The following KCND2 variants were observed in gnomAD, a reference collection of about 807,000 sequenced individuals.
The protein encoded by KCND2 is potassium voltage-gated channel subfamily D member 2.
KCND2 carries 16 observed loss-of-function variants against 54.4 expected under a neutral mutation model. The ratio of observed to expected loss-of-function variants is 0.29; its 90% CI spans 0.20 to 0.45. KCND2 has a LOEUF of 0.45. Among genes scored for constraint, KCND2 ranks in the 20% least tolerant of loss-of-function variants. The pLI is 1.00. For missense variants in KCND2, 486 were observed against 824.2 expected (o/e 0.59, Z 5.02); for synonymous variants, 317 against 310.7 (o/e 1.02, Z -0.21).
At chr7:120,525,003 G>A (rs977412115) in intron 1 of KCND2, among the ~76,000 whole-genome samples, 2 of 152,002 alleles carry the variant, frequency 1.3e-5, no homozygotes, top group African/African-American at 4.8e-5. Context: ...TTCAGACTTT[G>A]CATCTTTAGT....
intron 1 of KCND2, among the ~76,000 whole-genome samples, chr7:120,334,600 C>G (rs1800117956): frequency 6.6e-6 from 1 of 152,130 alleles, no homozygotes; most frequent in Admixed American, 6.5e-5. Flanking sequence ...TAAAACCACA[C>G]TTTCCGTATA....
intron 1 of KCND2, among the ~76,000 whole-genome samples, chr7:120,282,500 C>T (rs1367905501): frequency 3.9e-5 from 6 of 152,038 alleles, no homozygotes; most frequent in African/African-American, 1.4e-4. Context: ...TAACGCAATC[C>T]ATTTTGCCTT....
intron 1 of KCND2, among the ~76,000 whole-genome samples, chr7:120,601,831 C>T (rs1792817300): frequency 6.6e-6 from 1 of 152,142 alleles, no homozygotes; most frequent in Non-Finnish European, 1.5e-5. Context: ...CACTGAACTA[C>T]ACTATCCCTT....
In KCND2 at chr7:120,374,626, T is replaced by C. The variant is rs188152065; in HGVS notation, c.1115+98879T>C. ...GAGACTTGCTTTAACGATTTCCCGT[T>C]GATTTTCAGATAAAATTTAGACTGT... On this transcript the variant is annotated intron_variant, in intron 1 of 5. Transcript: ENST00000331113. Among the ~76,000 whole-genome samples the C allele has an allele frequency of 2.8e-3, 426 of 151,934 alleles. 2 individuals carry two copies. The highest frequency in any genetic ancestry group is 9.8e-3 in the African/African-American group (406 of 41,504).
At chr7:120,740,248 A>C (rs756808772) in intron 2 of KCND2, among the ~76,000 whole-genome samples, 2 of 152,088 alleles carry the variant, frequency 1.3e-5, no homozygotes, top group Non-Finnish European at 2.9e-5. Flanking sequence ...CTCCAGGGTC[A>C]GAGACAATTG....
rs533035748 is a variant in KCND2 at position 120,472,698 on chromosome 7, T to C, written c.1115+196951T>C. 3.9e-4 allele frequency among the ~76,000 whole-genome samples: 60 copies of C among 152,246 alleles called. 1 individual carries two copies. The South Asian group carries it at 9.3e-3, about 24-fold the overall frequency. Reference sequence around the variant, plus strand: ...GAAACACTCAAGCTTTGCAACAGACTAAACTCAGTGAACTAGGCTCTTGAC... The same window carrying C: ...GAAACACTCAAGCTTTGCAACAGACCAAACTCAGTGAACTAGGCTCTTGAC... On this transcript the variant is annotated intron_variant, in intron 1 of 5. Coordinates refer to ENST00000331113, the MANE Select transcript of KCND2 (RefSeq NM_012281.3).
chr7:120,461,974 G>A (rs1357159402), intron 1 of KCND2, among the ~76,000 whole-genome samples: 2 of 152,074 alleles, frequency 1.3e-5, no homozygotes, highest in African/African-American at 4.8e-5. Context: ...TATACATGGA[G>A]ATTAAGGCAC....
chr7:120,626,345 T>A (rs1456361686), intron 1 of KCND2, among the ~76,000 whole-genome samples: 1 of 152,216 alleles, frequency 6.6e-6, no homozygotes, highest in Non-Finnish European at 1.5e-5. Context: ...AAATATCATA[T>A]GCTCACTTTA....
At chr7:120,292,320 CTG>C (rs762598247) in intron 1 of KCND2, among the ~76,000 whole-genome samples, 24 of 151,746 alleles carry the variant, frequency 1.6e-4, no homozygotes, top group Non-Finnish European at 2.7e-4. Context: ...TTTGTCCTAA[CTG>C]ATATTAATTC....
chr7:120,486,270 A>G (rs1458068591), intron 1 of KCND2, among the ~76,000 whole-genome samples: 1 of 152,096 alleles, frequency 6.6e-6, no homozygotes. Flanking sequence ...AAATATAGAA[A>G]TTTTGAAAGC....
intron 1 of KCND2, among the ~76,000 whole-genome samples, chr7:120,470,442 TCAA>T (rs1802437542): frequency 6.6e-6 from 1 of 152,130 alleles, no homozygotes; most frequent in Admixed American, 6.6e-5. Flanking sequence ...TGAGCTAGTA[TCAA>T]CGTCTTCTTT....
chr7:120,570,291 A>G (rs757599225), intron 1 of KCND2, among the ~76,000 whole-genome samples: 1 of 152,068 alleles, frequency 6.6e-6, no homozygotes, highest in Admixed American at 6.6e-5. Context: ...GAAGGATGAA[A>G]TATTACCTAT....
chr7:120,659,304 A>G (rs920414572), intron 1 of KCND2, among the ~76,000 whole-genome samples: 1 of 123,454 alleles, frequency 8.1e-6, no homozygotes, highest in African/African-American at 4.1e-5. Flanking sequence ...ATCATCCCAC[A>G]ATAGGACTAA....
chr7:120,669,389 A>G (rs147103647), intron 1 of KCND2, among the ~76,000 whole-genome samples: 2 of 152,194 alleles, frequency 1.3e-5, no homozygotes, highest in African/African-American at 4.8e-5. Flanking sequence ...CCAGACTACT[A>G]TAAACAATGG....
At chr7:120,490,091 T>A (rs1379262748) in intron 1 of KCND2, among the ~76,000 whole-genome samples, 1 of 152,126 alleles carries the variant, frequency 6.6e-6, no homozygotes, top group Non-Finnish European at 1.5e-5. Context: ...CCAGAATGAC[T>A]GTCTTCATAG....
intron 1 of KCND2, among the ~76,000 whole-genome samples, chr7:120,385,103 C>A (rs192329759): frequency 7.1e-6 from 1 of 141,764 alleles, no homozygotes; most frequent in Non-Finnish European, 1.5e-5. Flanking sequence ...GCCTCTCAGA[C>A]GCAAGCAATC....
At chr7:120,396,819 A>G (rs199526340) in intron 1 of KCND2, among the ~76,000 whole-genome samples, 8 of 152,064 alleles carry the variant, frequency 5.3e-5, no homozygotes, top group African/African-American at 1.9e-4. Context: ...TTATGGCCAT[A>G]TATTTCCACA....
intron 1 of KCND2, among the ~76,000 whole-genome samples, chr7:120,432,666 A>C (rs184400824): frequency 1.3e-5 from 2 of 152,160 alleles, no homozygotes; most frequent in African/African-American, 4.8e-5. Context: ...TTTTTTTGAG[A>C]TGGAGTCTCA....
At chr7:120,612,973 T>C (rs1275442635) in intron 1 of KCND2, among the ~76,000 whole-genome samples, 1 of 152,136 alleles carries the variant, frequency 6.6e-6, no homozygotes, top group Non-Finnish European at 1.5e-5. Flanking sequence ...CCAAATGAAC[T>C]GCTCATTATA....
Sources: allele counts gnomAD v4.1 joint callset (sites outside exome capture counted in the v4.1 genomes callset), GRCh38; gene constraint gnomAD v4.1.1; transcripts MANE v1.5; gene names NCBI Gene and HGNC (gene_info 2026-07-23, HGNC 2026-07-21).